The following TRPC6 variants were observed in gnomAD, a reference collection of about 807,000 sequenced individuals.
TRPC6 encodes the protein short transient receptor potential channel 6.
TRPC6 carries 55 observed loss-of-function variants against 90.7 expected under a neutral mutation model. The observed-to-expected ratio is 0.61, with a 90% CI of 0.49 to 0.76. TRPC6 has a LOEUF of 0.76. Ranked by LOEUF, TRPC6 falls within the 30% of genes least tolerant of loss-of-function variation. The pLI is 0.00. For missense variants in TRPC6, 989 were observed against 1,122.7 expected (o/e 0.88, Z 1.70); for synonymous variants, 393 against 393.0 (o/e 1.00, Z 0.00).
intron 1 of TRPC6, among the ~76,000 whole-genome samples, chr11:101,576,870 C>T (rs1862081578): frequency 1.3e-5 from 2 of 152,132 alleles, no homozygotes; most frequent in African/African-American, 2.4e-5. Context: ...GACTTTTAAG[C>T]ACATCTGGCA....
chr11:101,578,056 G>A (rs994931992), intron 1 of TRPC6, among the ~76,000 whole-genome samples: 3 of 152,174 alleles, frequency 2.0e-5, no homozygotes, highest in African/African-American at 7.2e-5. Flanking sequence ...CAAGGAGGAG[G>A]AAATCTCTTT....
intron 2 of TRPC6, among the ~76,000 whole-genome samples, chr11:101,494,403 T>C (rs1429762935): frequency 6.6e-6 from 1 of 152,144 alleles, no homozygotes; most frequent in African/African-American, 2.4e-5. Flanking sequence ...CTTAGCAAGG[T>C]TGTGAGCATT....
Position 101,453,014 on chromosome 11 carries a change from T to G in TRPC6, c.2737A>C (p.Ile913Leu). ...SQNTEDLAEL[I>L]RELGEKLSME... ...GATAATTTCTCTCCAAGTTCTCTAATAAGTTCTGCTAGGTCTTCTGTATTC... is the reference window on the plus strand; with the variant it reads ...GATAATTTCTCTCCAAGTTCTCTAAGAAGTTCTGCTAGGTCTTCTGTATTC... Residue 913 changes from isoleucine to leucine, a missense_variant, in exon 13 of 13, where the codon ATT becomes CTT. Physicochemically the swap from Ile to Leu is conservative, Grantham distance 5. Transcript: ENST00000344327. The G allele has an allele frequency of 6.2e-7, 1 of 1,613,966 alleles. No individual in the cohort carries two copies. Among genetic ancestry groups the G allele is most frequent in the Non-Finnish European group, 8.5e-7 (1 of 1,179,864 alleles).
intron 1 of TRPC6, among the ~76,000 whole-genome samples, chr11:101,573,400 T>C (rs1034421785): frequency 6.6e-6 from 1 of 152,224 alleles, no homozygotes; most frequent in African/African-American, 2.4e-5. Context: ...CATTAATTCT[T>C]TGGCAAATTA....
At chr11:101,545,718 C>G (rs79005670) in intron 1 of TRPC6, among the ~76,000 whole-genome samples, 5,690 of 152,258 alleles carry the variant, frequency 0.037, 136 homozygotes, top group Non-Finnish European at 0.05. Context: ...GAGTTGCCCC[C>G]TATTTCTTAA....
intron 1 of TRPC6, among the ~76,000 whole-genome samples, chr11:101,540,364 A>G (rs1254078483): frequency 6.6e-6 from 1 of 152,230 alleles, no homozygotes; most frequent in African/African-American, 2.4e-5. Flanking sequence ...AGCAAATTAA[A>G]TAATCTTCTG....
At chr11:101,478,402 C>A (rs1327276067) in intron 5 of TRPC6, among the ~76,000 whole-genome samples, 2 of 152,038 alleles carry the variant, frequency 1.3e-5, no homozygotes, top group Admixed American at 1.3e-4. Flanking sequence ...CGAGGAGATG[C>A]GGATGGTTCA....
intron 1 of TRPC6, among the ~76,000 whole-genome samples, chr11:101,516,874 T>C (rs1198715694): frequency 1.3e-5 from 2 of 152,220 alleles, no homozygotes; most frequent in African/African-American, 4.8e-5. Context: ...TCAGAACACA[T>C]TACCTCAGAG....
Position 101,583,481 on chromosome 11 carries a change from C to G in TRPC6, c.23G>C (p.Gly8Ala). MSQSPAF[G>A]PRRGSSPRGA... ...CCGGGGAGAACTGCCCCTCCGGGGC[C>G]CGAACGCCGGGCTCTGGCTCATGGC... Residue 8 changes from glycine (G) to alanine (A), a missense_variant, in exon 1 of 13, where the codon GGG becomes GCG. Transcript: ENST00000344327. The G allele has an allele frequency of 6.6e-7, 1 of 1,510,158 alleles. No homozygotes were observed. The highest frequency in any genetic ancestry group is 2.5e-5 in the East Asian group (1 of 39,442). 93.5% of individuals were successfully genotyped at this position (1,510,158 alleles called of 1,614,324 possible). A position where few individuals can be genotyped will look rare whatever the true frequency, so the allele number is the denominator to read the frequency against.
intron 4 of TRPC6, among the ~76,000 whole-genome samples, chr11:101,485,589 TAA>T (rs1565212712): frequency 6.6e-6 from 1 of 151,318 alleles, no homozygotes; most frequent in Non-Finnish European, 1.5e-5. Flanking sequence ...TTTTTTTTTT[TAA>T]TTCTCAATTT....
At chr11:101,497,648 TG>T (rs1322933752) in intron 2 of TRPC6, among the ~76,000 whole-genome samples, 1 of 152,154 alleles carries the variant, frequency 6.6e-6, no homozygotes, top group East Asian at 1.9e-4. Context: ...CTATCCAGAA[TG>T]ACAGAGAAGA....
At chr11:101,474,035 A>C (rs1433324171) in intron 6 of TRPC6, among the ~76,000 whole-genome samples, 1 of 152,166 alleles carries the variant, frequency 6.6e-6, no homozygotes, top group African/African-American at 2.4e-5. Flanking sequence ...AGTATCTGTA[A>C]AAATTCATGT....
chr11:101,559,889 G>GT lies in TRPC6; in HGVS notation c.170+23444dup, dbSNP rs1485235332. On this transcript the variant is annotated intron_variant, in intron 1 of 12. Coordinates refer to ENST00000344327, the MANE Select transcript of TRPC6 (RefSeq NM_004621.6). ...TATGAGGGAGAACATGTGGTGTTTG[G>GT]TTTTTTGTCCTTGCGATAGTTTGCT... 1.5e-4 allele frequency among the ~76,000 whole-genome samples: 23 copies of GT among 150,202 alleles called. No homozygotes were observed. In the East Asian group the frequency reaches 2.6e-3, roughly 17 times the overall value.
At chr11:101,510,830 C>T (rs2136757050) in intron 1 of TRPC6, among the ~76,000 whole-genome samples, 1 of 152,252 alleles carries the variant, frequency 6.6e-6, no homozygotes, top group East Asian at 1.9e-4. Context: ...TAGTAATTCT[C>T]TCTACTTCCT....
At chr11:101,516,108 G>GGAAAA (rs1555005867) in intron 1 of TRPC6, among the ~76,000 whole-genome samples, 1 of 133,320 alleles carries the variant, frequency 7.5e-6, no homozygotes, top group Non-Finnish European at 1.6e-5. Flanking sequence ...ATGCAGCTGG[G>GGAAAA]AAAAAAAAAA....
At chr11:101,470,767 T>G (rs1859269591) in intron 9 of TRPC6, among the ~76,000 whole-genome samples, 1 of 151,586 alleles carries the variant, frequency 6.6e-6, no homozygotes, top group Admixed American at 6.6e-5. Flanking sequence ...TTCTGAACTT[T>G]TCAATGTAGA....
At chr11:101,488,870 A>T in intron 4 of TRPC6, 67 bp downstream of exon 4, 1 of 1,581,318 alleles carries the variant, frequency 6.3e-7, no homozygotes, top group Non-Finnish European at 8.7e-7. Context: ...CACTTTGGAG[A>T]TAAGATTTTT....
intron 1 of TRPC6, among the ~76,000 whole-genome samples, chr11:101,507,366 G>A (rs1484989240): frequency 1.3e-5 from 2 of 150,784 alleles, no homozygotes; most frequent in Admixed American, 6.6e-5. Context: ...CTAGACAGCA[G>A]TTGCTGTCTA....
At position 101,483,039 on chromosome 11, in the gene TRPC6, C is replaced by T. The variant is rs750615513; in HGVS notation, c.1420G>A (p.Glu474Lys). 6.2e-7 allele frequency: 1 copy of T among 1,614,034 alleles called. No individual in the cohort carries two copies. The highest frequency in any genetic ancestry group is 8.5e-7 in the Non-Finnish European group (1 of 1,179,950). Residue 474 changes from glutamate to lysine, a missense_variant, in exon 5 of 13, where the codon GAA becomes AAA. By Grantham distance (56) the Glu-to-Lys change is moderately conservative. Transcript: ENST00000344327. ...RFEGTKLLPN[E>K]TSTDNAKQLF... ...TGTTTTGCATTATCTGTGCTGGTTT[C>T]ATTAGGAAGGAGTTTTGTGCCTTCA...
Sources: allele counts gnomAD v4.1 joint callset (sites outside exome capture counted in the v4.1 genomes callset), GRCh38; gene constraint gnomAD v4.1.1; transcripts MANE v1.5; gene names NCBI Gene and HGNC (gene_info 2026-07-23, HGNC 2026-07-21).